Variants in GUSB observed in about 807,000 individuals in gnomAD.
The protein encoded by GUSB is glucuronidase beta, also known as beta-glucuronidase.
In GUSB, 51 loss-of-function variants were observed where a neutral mutation model predicts 74.6. The ratio of observed to expected loss-of-function variants is 0.68; its 90% CI spans 0.55 to 0.86. GUSB has a LOEUF of 0.86. Among genes scored for constraint, GUSB ranks in the 40% least tolerant of loss-of-function variants. GUSB has a pLI of 0.00. For synonymous variants in GUSB, 360 were observed against 348.3 expected (o/e 1.03, Z -0.37); for missense variants, 736 against 853.7 (o/e 0.86, Z 1.72).
chr7:65,979,250 A>G (rs1248792950), intron 4 of GUSB, 149 bp downstream of exon 4: 14 of 880,512 alleles, frequency 1.6e-5, no homozygotes, highest in Non-Finnish European at 2.3e-5. Context: ...ATCCGCTCAC[A>G]CAGGCTGAAT....
At chr7:65,980,567 C>A in intron 1 of GUSB, 158 bp from the exon 2 acceptor site, 1 of 705,564 alleles carries the variant, frequency 1.4e-6, no homozygotes, top group Non-Finnish European at 2.5e-6. Context: ...GGTCAACTGC[C>A]AGGGCGATCT....
In GUSB at chr7:65,974,572, C is replaced by T; in HGVS notation, c.1198G>A (p.Gly400Arg). The change falls in exon 7 of 12, where the codon GGG becomes AGG. Residue 400 changes from glycine to arginine, a missense_variant. Transcript: ENST00000304895. The part of the protein sequence containing the change: ...EEVMQMCDRY[G>R]IVVIDECPGV... ...GGACACTCATCGATGACCACAATCC[C>T]ATAGCGGTCACACATCTGCATCACT... 6.2e-7 allele frequency: 1 copy of T among 1,614,200 alleles called. No homozygotes were observed. Among genetic ancestry groups the T allele is most frequent in the Non-Finnish European group, 8.5e-7 (1 of 1,180,022 alleles).
intron 4 of GUSB, among the ~76,000 whole-genome samples, chr7:65,976,757 C>T (rs908473097): frequency 2.6e-5 from 4 of 151,808 alleles, no homozygotes; most frequent in Admixed American, 2.6e-4. Flanking sequence ...CATAGGGAAA[C>T]CACTTCTTCC....
intron 10 of GUSB, among the ~76,000 whole-genome samples, chr7:65,966,039 G>A (rs1173753799): frequency 2.0e-5 from 3 of 151,988 alleles, no homozygotes; most frequent in Admixed American, 6.6e-5. Flanking sequence ...GCGTGGTGGC[G>A]CATGCCTGTA....
In GUSB at chr7:65,970,328, C is replaced by T. The variant is rs771017036; in HGVS notation, c.1430G>A (p.Arg477Gln). ...AGAGTTGCTCACAAAGGTCACAGGC[C>T]GGGAGGGGTCCAAGGATTTGGTGTG... ...IAHTKSLDPS[R>Q]PVTFVSNSNY... Residue 477 changes from arginine (R) to glutamine (Q), a missense_variant, in exon 9 of 12, where the codon CGG becomes CAG. Around this residue, in one of 2 missense-constraint regions of GUSB, gnomAD observed 368 missense variants for 489.9 expected, o/e 0.75. Transcript: ENST00000304895. The T allele has an allele frequency of 3.7e-6, 6 of 1,613,296 alleles. No individual in the cohort carries two copies. Among genetic ancestry groups the T allele is most frequent in the East Asian group, 2.2e-5 (1 of 44,850 alleles).
Position 65,980,351 on chromosome 7 carries a change from C to G in GUSB, c.269G>C (p.Trp90Ser). The G allele has an allele frequency of 9.9e-6, 16 of 1,613,954 alleles. No individual in the cohort carries two copies. Among genetic ancestry groups the G allele is most frequent in the African/African-American group, 1.3e-5 (1 of 75,064 alleles). Reference protein sequence around the residue: ...PSSFNDISQDWRLRHFVGWVW... With the variant: ...PSSFNDISQDSRLRHFVGWVW... Reference sequence around the variant, plus strand: ...CCAGCCGACAAAATGCCGCAGACGCCAGTCCTGGCTGATGTCATTGAAGCT... The same window carrying G: ...CCAGCCGACAAAATGCCGCAGACGCGAGTCCTGGCTGATGTCATTGAAGCT... The change falls in exon 2 of 12, where the codon TGG (tryptophan) becomes TCG (serine). Residue 90 changes from tryptophan to serine, a missense_variant. By Grantham distance (177) the Trp-to-Ser change is radical. Coordinates refer to ENST00000304895, the MANE Select transcript of GUSB (RefSeq NM_000181.4).
chr7:65,976,915 C>A (rs896188232), intron 4 of GUSB, among the ~76,000 whole-genome samples: 1 of 151,806 alleles, frequency 6.6e-6, no homozygotes, highest in African/African-American at 2.4e-5. Context: ...GATAGGTAGT[C>A]AAGGAAGTGA....
intron 9 of GUSB, 68 bp from the exon 10 acceptor site, chr7:65,967,975 G>A (rs62470934): frequency 0.046 from 60,001 of 1,312,168 alleles, 1,743 homozygotes; most frequent in East Asian, 0.11. Flanking sequence ...CACACACTGC[G>A]GGGGCTCCTC....
rs371866379 is a variant in GUSB at position 65,976,489 on chromosome 7, C to T, written c.725-287G>A. On this transcript the variant is annotated intron_variant, in intron 4 of 11. Coordinates refer to ENST00000304895, the MANE Select transcript of GUSB (RefSeq NM_000181.4). ...TATAGACGTGCACCACCATGCTTGG[C>T]GAATTTTTATATTTTTAGTAGAGAT... is the stretch of plus-strand genomic sequence containing the variant. Among the ~76,000 whole-genome samples, 78 of 152,046 alleles carry T rather than the reference C, an allele frequency of 5.1e-4. 1 individual carries two copies. The highest frequency in any genetic ancestry group is 1.8e-3 in the African/African-American group (76 of 41,502).
chr7:65,968,979 C>A (rs996122184), intron 9 of GUSB, among the ~76,000 whole-genome samples: 1 of 152,188 alleles, frequency 6.6e-6, no homozygotes, highest in Non-Finnish European at 1.5e-5. Flanking sequence ...CGGTGACGAC[C>A]GAGTAGGACC....
In GUSB at chr7:65,967,095, A is replaced by G. The variant is rs961780422; in HGVS notation, c.1653+636T>C. Among the ~76,000 whole-genome samples, 7 of 152,234 alleles carry G rather than the reference A, an allele frequency of 4.6e-5. No individual in the cohort carries two copies. In the East Asian group the frequency reaches 1.4e-3, roughly 29 times the overall value. On this transcript the variant is annotated intron_variant, in intron 10 of 11. Transcript: ENST00000304895. ...GAAAACCCAGGAGAGAGCAGAGGAC[A>G]CTGAGTGTCCTGACCAGAGGTTAGG...
At chr7:65,980,016 C>A in intron 2 of GUSB, 105 bp from the exon 3 acceptor site, 1 of 1,047,110 alleles carries the variant, frequency 9.6e-7, no homozygotes. Context: ...GGCTCCGGGG[C>A]CTTCCAGCCA....
intron 4 of GUSB, among the ~76,000 whole-genome samples, chr7:65,976,720 C>A (rs1791601423): frequency 6.6e-6 from 1 of 151,600 alleles, no homozygotes; most frequent in South Asian, 2.1e-4. Context: ...TCGCTTGAGA[C>A]CAGGAGTTCA....
chr7:65,961,031 T>G lies in GUSB; in HGVS notation c.1822A>C (p.Ile608Leu), dbSNP rs777173084. ...TTTGGTTGTCTCTGCCGAGTGAAGA[T>G]CCCCTTTTTATTCCCCAGCACTCTC... Reference protein sequence around the residue: ...PTRVLGNKKGIFTRQRQPKSA... With the variant: ...PTRVLGNKKGLFTRQRQPKSA... The change falls in exon 12 of 12, where the codon ATC becomes CTC. Residue 608 changes from isoleucine (I) to leucine (L), a missense_variant. Physicochemically the swap from Ile to Leu is conservative, Grantham distance 5 (BLOSUM62 2). This residue lies in a region of GUSB where 368 missense variants were observed against 489.9 expected (regional missense o/e 0.75). Coordinates refer to ENST00000304895, the MANE Select transcript of GUSB (RefSeq NM_000181.4). 4 of 1,609,496 alleles carry G rather than the reference T, an allele frequency of 2.5e-6. No individual in the cohort carries two copies. Among genetic ancestry groups the G allele is most frequent in the Non-Finnish European group, 3.4e-6 (4 of 1,179,058 alleles).
chr7:65,970,806 G>A (rs1183023476), intron 8 of GUSB, among the ~76,000 whole-genome samples: 1 of 151,904 alleles, frequency 6.6e-6, no homozygotes, highest in African/African-American at 2.4e-5. Flanking sequence ...GAAGAATGGC[G>A]TGAACCCAGA....
At chr7:65,972,411 A>G (rs1023317858) in intron 8 of GUSB, among the ~76,000 whole-genome samples, 1 of 152,046 alleles carries the variant, frequency 6.6e-6, no homozygotes, top group East Asian at 1.9e-4. Flanking sequence ...TGATCCACCC[A>G]CCTTGGCCTC....
At chr7:65,977,851 CCT>C (rs1205798140) in intron 4 of GUSB, among the ~76,000 whole-genome samples, 1 of 151,990 alleles carries the variant, frequency 6.6e-6, no homozygotes. Context: ...CGCTCTGTCC[CCT>C]AGGCTGGAGT....
In GUSB at chr7:65,964,328, T is replaced by G. The variant is rs1413367706; in HGVS notation, c.1784A>C (p.Glu595Ala). ...TGAGCCAAACTGCCACTTACACTGT[T>G]CAGTCATGAAATCGGCAAAATTCCA... ...LIWNFADFMT[E>A]QSPTRVLGNK... Residue 595 changes from glutamate to alanine, a missense_variant, in exon 11 of 12, where the codon GAA becomes GCA. Around this residue, in one of 2 missense-constraint regions of GUSB, gnomAD observed 368 missense variants for 489.9 expected, o/e 0.75. Transcript: ENST00000304895. The G allele has an allele frequency of 5.6e-6, 9 of 1,611,800 alleles. No individual in the cohort carries two copies. The highest frequency in any genetic ancestry group is 2.7e-5 in the African/African-American group (2 of 74,954).
intron 8 of GUSB, among the ~76,000 whole-genome samples, chr7:65,973,449 T>C (rs1179513144): frequency 6.6e-6 from 1 of 152,216 alleles, no homozygotes; most frequent in East Asian, 1.9e-4. Flanking sequence ...TAGCAGGGTA[T>C]GTTGGCGTGT....
Sources: gnomAD v4.1 joint callset for allele counts (sites outside exome capture counted in the v4.1 genomes callset) on GRCh38, gnomAD v4.1.1 for gene constraint, gnomAD v4.1.1 regional missense constraint, MANE v1.5 for transcripts, NCBI Gene and HGNC (gene_info 2026-07-23, HGNC 2026-07-21) for gene names.